The following SOS1 variants were observed in gnomAD, a reference collection of about 807,000 sequenced individuals.
The protein encoded by SOS1 is son of sevenless homolog 1.
SOS1 carries 25 observed loss-of-function variants against 157.6 expected under a neutral mutation model. The ratio of observed to expected loss-of-function variants is 0.16; its 90% CI spans 0.12 to 0.22. The LOEUF (loss-of-function observed/expected upper bound fraction) is 0.22, where lower values mean the gene tolerates loss of function less well. Ranked by LOEUF, SOS1 falls within the 10% of genes least tolerant of loss-of-function variation. The pLI, the probability that SOS1 is intolerant of heterozygous loss-of-function variation, is 1.00. For missense variants in SOS1, 1,237 were observed against 1,599.1 expected (o/e 0.77, Z 3.86); for synonymous variants, 528 against 534.0 (o/e 0.99, Z 0.16).
Position 38,983,589 on chromosome 2 carries a change from T to TAACA in SOS1, c.*2231_*2234dup, listed in dbSNP as rs987732123. 15 of 152,156 alleles carry TAACA rather than the reference T, an allele frequency of 9.9e-5. No homozygotes were observed. Among genetic ancestry groups the TAACA allele is most frequent in the African/African-American group, 3.1e-4 (13 of 41,544 alleles). 9.4% of individuals were successfully genotyped at this position (152,156 alleles called of 1,614,324 possible). On this transcript the variant is annotated 3_prime_UTR_variant, in exon 23 of 23. Transcript: ENST00000402219. ...AAGGGGTTATCACCTTATTGAAGGC[T>TAACA]AACACATTAGCCGAAGACATACTGA...
chr2:38,997,314 G>A lies in SOS1; in HGVS notation c.2903C>T (p.Thr968Ile). Reference protein sequence around the residue: ...FSKRRKVAEITGEIQQYQNQP... With the variant: ...FSKRRKVAEIIGEIQQYQNQP... ...ATTTTGGTACTGCTGGATCTCTCCT[G>A]TTATTTCTGCTACTTTCCTCCTTTT... The change falls in exon 18 of 23, where the codon ACA becomes ATA. Residue 968 changes from threonine (T) to isoleucine (I), a missense_variant. This residue lies in a region of SOS1 where 105 missense variants were observed against 236.0 expected (regional missense o/e 0.44). Transcript: ENST00000402219. 1 of 1,612,940 alleles carries A rather than the reference G, an allele frequency of 6.2e-7. No individual in the cohort carries two copies. Among genetic ancestry groups the A allele is most frequent in the Non-Finnish European group, 8.5e-7 (1 of 1,179,158 alleles).
chr2:39,072,922 A>C (rs1671836906), intron 1 of SOS1, among the ~76,000 whole-genome samples: 1 of 152,216 alleles, frequency 6.6e-6, no homozygotes, highest in Non-Finnish European at 1.5e-5. Flanking sequence ...AATGGTCCAT[A>C]CTTAAAACGC....
chr2:39,075,608 A>C (rs1488242332), intron 1 of SOS1, among the ~76,000 whole-genome samples: 5 of 27,128 alleles, frequency 1.8e-4, no homozygotes, highest in Non-Finnish European at 1.1e-3. Context: ...GTCCGAGACC[A>C]GCCTGGAGAA....
intron 1 of SOS1, among the ~76,000 whole-genome samples, chr2:39,101,238 G>C (rs1260940780): frequency 6.6e-6 from 1 of 152,068 alleles, no homozygotes; most frequent in Non-Finnish European, 1.5e-5. Flanking sequence ...AATAGAGCAG[G>C]AATTCACACA....
intron 20 of SOS1, among the ~76,000 whole-genome samples, chr2:38,989,840 G>C (rs1436612286): frequency 1.3e-5 from 2 of 151,944 alleles, no homozygotes; most frequent in Non-Finnish European, 2.9e-5. Context: ...TCCTTTTATA[G>C]TCATAAACAT....
At chr2:39,040,052 C>G (rs78614260) in intron 6 of SOS1, among the ~76,000 whole-genome samples, 1 of 152,096 alleles carries the variant, frequency 6.6e-6, no homozygotes, top group East Asian at 1.9e-4. Flanking sequence ...TGCTCTGTCG[C>G]CCAGGCTGGA....
rs1322972668 is a variant in SOS1, at chr2:39,107,770, A to T, written c.87+12566T>A. ...AATATACTAAACATGACTATTCCAAAATTCTGTAGGTACTAAGAATATGAA... is the reference window on the plus strand; with the variant it reads ...AATATACTAAACATGACTATTCCAATATTCTGTAGGTACTAAGAATATGAA... On this transcript the variant is annotated intron_variant, in intron 1 of 22. Coordinates refer to ENST00000402219, the MANE Select transcript of SOS1 (RefSeq NM_005633.4). 5.3e-5 allele frequency among the ~76,000 whole-genome samples: 8 copies of T among 152,270 alleles called. No individual in the cohort carries two copies. The East Asian group carries it at 1.3e-3, about 26-fold the overall frequency.
In SOS1 at chr2:39,004,141, T is replaced by C. The variant is rs547821974; in HGVS notation, c.2791+2271A>G. Among the ~76,000 whole-genome samples the C allele has an allele frequency of 2.5e-4, 38 of 151,886 alleles. No individual in the cohort carries two copies. The South Asian group carries it at 4.6e-3, about 18-fold the overall frequency. ...TTAAAGAAGGAGGTCCCTGGCCGGG[T>C]GCGGTGGCTCAAGCCTGTAATCCCA... On this transcript the variant is annotated intron_variant, in intron 17 of 22. Coordinates refer to ENST00000402219, the MANE Select transcript of SOS1 (RefSeq NM_005633.4).
At chr2:39,120,239 G>T in intron 1 of SOS1, 97 bp downstream of exon 1, 2 of 1,117,244 alleles carry the variant, frequency 1.8e-6, no homozygotes, top group South Asian at 1.8e-5. Context: ...AGACCGGGAA[G>T]AAAGACGGCC....
chr2:39,054,833 C>A lies in SOS1; in HGVS notation c.511-10G>T. Reference sequence around the variant, plus strand: ...ACATATCCATCAATACCTATACAGTCAGAGATATAAAAAAGTATAATAAAA... The same window carrying A: ...ACATATCCATCAATACCTATACAGTAAGAGATATAAAAAAGTATAATAAAA... On this transcript the variant is annotated splice_polypyrimidine_tract_variant and intron_variant, in intron 4 of 22. Transcript: ENST00000402219. The A allele has an allele frequency of 2.4e-6, 3 of 1,234,616 alleles. No homozygotes were observed. In the South Asian group the frequency reaches 3.7e-5, roughly 15 times the overall value. 76.5% of individuals were successfully genotyped at this position (1,234,616 alleles called of 1,614,324 possible).
In SOS1 at chr2:38,985,926, T is replaced by C. The variant is rs1343754754; in HGVS notation, c.3900A>G (p.Gln1300=). 6 of 1,613,842 alleles carry C rather than the reference T, an allele frequency of 3.7e-6. No homozygotes were observed. The African/African-American group carries it at 5.3e-5, about 14-fold the overall frequency. ...PPVPPRQSTS[Q]HIPKLPPKTY... is the part of the protein sequence containing the mutation. ...TTTTTGGAGGGAGTTTAGGGATATG[T>C]TGAGAAGTGCTTTGTCGTGGAGGAA... is the stretch of plus-strand genomic sequence containing the variant. Residue 1300 remains glutamine (Q), a synonymous_variant, in exon 23 of 23, where the codon CAA becomes CAG. Coordinates refer to ENST00000402219, the MANE Select transcript of SOS1 (RefSeq NM_005633.4).
At chr2:39,069,449 G>A (rs191879207) in intron 1 of SOS1, among the ~76,000 whole-genome samples, 10 of 152,152 alleles carry the variant, frequency 6.6e-5, no homozygotes, top group East Asian at 3.9e-4. Context: ...ATATACATAC[G>A]TATGCATTCA....
chr2:39,007,252 T>C (rs1198635320), intron 15 of SOS1, 59 bp from the exon 16 acceptor site: 3 of 1,070,536 alleles, frequency 2.8e-6, no homozygotes, highest in African/African-American at 3.1e-5. Context: ...AAGTTATAGC[T>C]TAAAGAATTT....
intron 6 of SOS1, among the ~76,000 whole-genome samples, chr2:39,045,310 A>C (rs2124584628): frequency 8.0e-6 from 1 of 124,362 alleles, no homozygotes; most frequent in Non-Finnish European, 1.8e-5. Context: ...GTGTAAAATC[A>C]AATGTGTTAG....
intron 1 of SOS1, among the ~76,000 whole-genome samples, chr2:39,097,490 G>A (rs1315388671): frequency 2.0e-5 from 3 of 152,086 alleles, no homozygotes; most frequent in African/African-American, 7.2e-5. Flanking sequence ...TTAACAAGCT[G>A]TCCAAGTGAT....
In SOS1 at chr2:39,022,786, T is replaced by G. The variant is rs397517149; in HGVS notation, c.1642A>C (p.Ser548Arg). The change falls in exon 10 of 23, where the codon AGT (serine) becomes CGT (arginine). Residue 548 changes from serine to arginine, a missense_variant. Physicochemically the swap from Ser to Arg is moderately radical, Grantham distance 110 (BLOSUM62 -1). Coordinates refer to ENST00000402219, the MANE Select transcript of SOS1 (RefSeq NM_005633.4). ...MAALISLQYR[S>R]TLERMLDVTM... ...ACATCAAGCATCCTTTCCAGTGTACTCCGGTACTGTAAAGATATCAATGCT... is the reference window on the plus strand; with the variant it reads ...ACATCAAGCATCCTTTCCAGTGTACGCCGGTACTGTAAAGATATCAATGCT... 1.9e-6 allele frequency: 3 copies of G among 1,613,330 alleles called. No homozygotes were observed. The highest frequency in any genetic ancestry group is 1.7e-6 in the Non-Finnish European group (2 of 1,179,354).
chr2:38,991,652 G>T (rs1378524994), intron 20 of SOS1, among the ~76,000 whole-genome samples: 8 of 152,174 alleles, frequency 5.3e-5, no homozygotes, highest in Non-Finnish European at 1.2e-4. Context: ...CCACTTCTCT[G>T]CCCTGTCTTT....
Position 39,067,653 on chromosome 2 carries a change from T to C in SOS1, c.188A>G (p.Gln63Arg). Residue 63 changes from glutamine (Q) to arginine (R), a missense_variant, in exon 2 of 23, where the codon CAG (glutamine) becomes CGG (arginine). Gln to Arg is a conservative substitution (Grantham distance 43). Around this residue, in one of 15 missense-constraint regions of SOS1, gnomAD observed 99 missense variants for 81.6 expected, o/e 1.21. Coordinates refer to ENST00000402219, the MANE Select transcript of SOS1 (RefSeq NM_005633.4). Reference sequence around the variant, plus strand: ...CTCTACATCTGAAGCACTTCGGGGCTGAGCTTGGCATAGCATATTTAATAA... The same window carrying C: ...CTCTACATCTGAAGCACTTCGGGGCCGAGCTTGGCATAGCATATTTAATAA... ...LQLLNMLCQAQPRSASDVEER... is the reference protein window; with the variant it reads ...LQLLNMLCQARPRSASDVEER... The C allele has an allele frequency of 6.2e-7, 1 of 1,613,418 alleles. No homozygotes were observed.
intron 17 of SOS1, among the ~76,000 whole-genome samples, chr2:39,002,771 T>G (rs1330891571): frequency 3.3e-5 from 5 of 152,086 alleles, no homozygotes; most frequent in African/African-American, 1.2e-4. Flanking sequence ...TTATCAAGAA[T>G]GTAGAGGGTC....
Sources: allele counts gnomAD v4.1 joint callset (sites outside exome capture counted in the v4.1 genomes callset), GRCh38; gene constraint gnomAD v4.1.1; regional missense constraint gnomAD v4.1.1; transcripts MANE v1.5; gene names NCBI Gene and HGNC (gene_info 2026-07-23, HGNC 2026-07-21).